The following SORCS1 variants were observed in gnomAD, a reference collection of about 807,000 sequenced individuals.
SORCS1 encodes the protein sortilin related VPS10 domain containing receptor 1, also known as VPS10 domain-containing receptor SorCS1.
A neutral mutation model predicts 146.1 loss-of-function variants in SORCS1; 60 were observed. The ratio of observed to expected loss-of-function variants is 0.41; its 90% CI spans 0.33 to 0.51. The LOEUF (loss-of-function observed/expected upper bound fraction) is 0.51, where lower values mean the gene tolerates loss of function less well. Ranked by LOEUF, SORCS1 falls within the 20% of genes least tolerant of loss-of-function variation. The pLI is 0.21. For missense variants in SORCS1, 1,352 were observed against 1,487.6 expected, an observed-to-expected ratio of 0.91 and a Z score of 1.50; for synonymous variants, 637 against 584.0, an observed-to-expected ratio of 1.09 and a Z score of -1.31.
intron 2 of SORCS1, among the ~76,000 whole-genome samples, chr10:106,883,897 T>C (rs74152254): frequency 0.043 from 6,568 of 152,256 alleles, 376 homozygotes; most frequent in African/African-American, 0.12. Flanking sequence ...TATTTTTATA[T>C]GTTGGCATCT....
At chr10:106,938,114 A>G in intron 2 of SORCS1, among the ~76,000 whole-genome samples, 1 of 152,160 alleles carries the variant, frequency 6.6e-6, no homozygotes. Flanking sequence ...AGGATAAATA[A>G]TTCAGAAGAG....
chr10:106,785,186 T>C (rs1945999145), intron 3 of SORCS1, among the ~76,000 whole-genome samples: 1 of 152,166 alleles, frequency 6.6e-6, no homozygotes, highest in South Asian at 2.1e-4. Context: ...TGATCTAAAA[T>C]AACTCAATTG....
At chr10:106,859,325 A>G (rs1949919961) in intron 2 of SORCS1, among the ~76,000 whole-genome samples, 1 of 152,186 alleles carries the variant, frequency 6.6e-6, no homozygotes, top group Admixed American at 6.5e-5. Context: ...AGGGATAGAC[A>G]ATAATTTATC....
intron 5 of SORCS1, among the ~76,000 whole-genome samples, chr10:106,758,639 GA>G (rs1366723248): frequency 6.6e-6 from 1 of 152,096 alleles, no homozygotes; most frequent in African/African-American, 2.4e-5. Context: ...GAGAATGAAA[GA>G]AAAAGACATG....
chr10:106,599,841 G>A (rs571165406), intron 23 of SORCS1, among the ~76,000 whole-genome samples: 11 of 151,366 alleles, frequency 7.3e-5, no homozygotes, highest in African/African-American at 2.7e-4. Context: ...GCGCGATCTC[G>A]GCTCACTGCA....
At chr10:106,787,112 A>G (rs1946093614) in intron 3 of SORCS1, among the ~76,000 whole-genome samples, 1 of 152,226 alleles carries the variant, frequency 6.6e-6, no homozygotes, top group African/African-American at 2.4e-5. Flanking sequence ...CAACTCTCTA[A>G]TAAAAGAACC....
chr10:106,655,516 T>A (rs959309716), intron 17 of SORCS1, among the ~76,000 whole-genome samples: 1 of 152,122 alleles, frequency 6.6e-6, no homozygotes, highest in African/African-American at 2.4e-5. Context: ...ACTAGCATCA[T>A]CAGCTAGAGA....
At chr10:107,152,409 C>T (rs995493856) in intron 1 of SORCS1, among the ~76,000 whole-genome samples, 4 of 152,118 alleles carry the variant, frequency 2.6e-5, no homozygotes, top group Non-Finnish European at 4.4e-5. Flanking sequence ...TCCTCCATAC[C>T]CCAGAATGGT....
chr10:106,648,434 C>T (rs1485522172), intron 18 of SORCS1, among the ~76,000 whole-genome samples: 2 of 152,120 alleles, frequency 1.3e-5, no homozygotes, highest in African/African-American at 4.8e-5. Context: ...TTAATTCGCT[C>T]CACATACTGT....
At chr10:107,114,165 C>A (rs973335885) in intron 1 of SORCS1, among the ~76,000 whole-genome samples, 1 of 151,996 alleles carries the variant, frequency 6.6e-6, no homozygotes, top group African/African-American at 2.4e-5. Context: ...AACCTCCCAA[C>A]AAAAAAATTC....
upstream of SORCS1, among the ~76,000 whole-genome samples, chr10:107,165,167 C>T (rs1970009140): frequency 6.6e-6 from 1 of 152,126 alleles, no homozygotes; most frequent in Non-Finnish European, 1.5e-5. This position sits in a 1 kb window ranked among gnomAD's most constrained non-coding sequence, Gnocchi z 4.0. Context: ...TGCTCCTTCC[C>T]TCTCTTATGC....
intron 4 of SORCS1, among the ~76,000 whole-genome samples, chr10:106,771,871 C>T (rs1860045365): frequency 6.6e-6 from 1 of 152,198 alleles, no homozygotes; most frequent in South Asian, 2.1e-4. Flanking sequence ...GGCAGGGTTT[C>T]CTATGAACGC....
intron 1 of SORCS1, among the ~76,000 whole-genome samples, chr10:106,992,826 C>CTTTTTTTTTTTTTTTTTTTTTTTTT (rs36052970): frequency 1.8e-5 from 1 of 57,086 alleles, no homozygotes; most frequent in East Asian, 4.6e-4. Flanking sequence ...TTCTTTCTTT[C>CTTTTTTTTTTTTTTTTTTTTTTTTT]TTTTTTTTTT....
chr10:107,132,793 G>A (rs1966957912), intron 1 of SORCS1, among the ~76,000 whole-genome samples: 1 of 152,076 alleles, frequency 6.6e-6, no homozygotes, highest in Non-Finnish European at 1.5e-5. Context: ...ACGTTCAACA[G>A]CCCCGTTGTT....
At chr10:106,745,375 C>T (rs1857650099) in intron 5 of SORCS1, among the ~76,000 whole-genome samples, 1 of 150,414 alleles carries the variant, frequency 6.6e-6, no homozygotes, top group South Asian at 2.1e-4. Flanking sequence ...TGTGCCACCA[C>T]ACTCCAGCCT....
intron 18 of SORCS1, among the ~76,000 whole-genome samples, chr10:106,644,098 CT>C (rs1313809082): frequency 6.6e-6 from 1 of 152,016 alleles, no homozygotes; most frequent in Non-Finnish European, 1.5e-5. Flanking sequence ...CTTATTTTTC[CT>C]TTTTTTGCCC....
At chr10:107,053,354 C>G (rs1960303784) in intron 1 of SORCS1, among the ~76,000 whole-genome samples, 1 of 152,124 alleles carries the variant, frequency 6.6e-6, no homozygotes, top group East Asian at 1.9e-4. Context: ...TTTGCCATTA[C>G]TGGAAGCCTT....
rs758162055 is a variant in SORCS1 at position 106,921,606 on chromosome 10, G to A, written c.626+34907C>T. Among the ~76,000 whole-genome samples, 10 of 152,104 alleles carry A rather than the reference G, an allele frequency of 6.6e-5. No individual in the cohort carries two copies. In the East Asian group the frequency reaches 1.9e-3, roughly 29 times the overall value. On this transcript the variant is annotated intron_variant, in intron 2 of 25. Transcript: ENST00000263054. ...AAAGAATCATCTGCTTAATAACTCAGTGCAAGGGACACAGGGAGTCGGGAG... is the reference window on the plus strand; with the variant it reads ...AAAGAATCATCTGCTTAATAACTCAATGCAAGGGACACAGGGAGTCGGGAG...
At position 106,576,956 on chromosome 10, in the gene SORCS1, C is replaced by A; in HGVS notation, c.*464G>T. ...GTTATGAATTTTCTACAAACACGAC[C>A]GATCAGAAAAAAGAGAGAGAAGAAG... is the stretch of plus-strand genomic sequence containing the variant. On this transcript the variant is annotated 3_prime_UTR_variant, in exon 26 of 26. Transcript: ENST00000263054. 1 of 249,566 alleles carries A rather than the reference C, an allele frequency of 4.0e-6. No individual in the cohort carries two copies. The highest frequency in any genetic ancestry group is 7.9e-6 in the Non-Finnish European group (1 of 126,958). 15.5% of individuals were successfully genotyped at this position (249,566 alleles called of 1,614,324 possible).
Sources: gnomAD v4.1 joint callset for allele counts (sites outside exome capture counted in the v4.1 genomes callset) on GRCh38, gnomAD v4.1.1 for gene constraint, Gnocchi (gnomAD v3.1) non-coding constraint, MANE v1.5 for transcripts, NCBI Gene and HGNC (gene_info 2026-07-23, HGNC 2026-07-21) for gene names.